Variants in CYBC1 observed in about 807,000 individuals in gnomAD.
CYBC1 encodes essential for reactive oxygen species protein.
CYBC1 carries 22 observed loss-of-function variants against 21.7 expected under a neutral mutation model. The observed-to-expected ratio is 1.02, with a 90% CI of 0.73 to 1.45. The LOEUF (loss-of-function observed/expected upper bound fraction) is 1.45. Ranked by LOEUF, CYBC1 falls within the 40% of genes most tolerant of loss-of-function variation. The pLI is 0.00. For synonymous variants in CYBC1, 112 were observed against 98.7 expected, an observed-to-expected ratio of 1.13 and a Z score of -0.80; for missense variants, 237 against 242.1, an observed-to-expected ratio of 0.98 and a Z score of 0.14.
Position 82,447,604 on chromosome 17 carries a change from G to C in CYBC1, c.103C>G (p.Leu35Val). The change falls in exon 3 of 7, where the codon CTG (leucine) becomes GTG (valine). Residue 35 changes from leucine to valine, a missense_variant. Coordinates refer to ENST00000306645, the MANE Select transcript of CYBC1 (RefSeq NM_001033046.4). ...CCTCCGCTGTAGTAGGCAGCAGCCAGGCCAATCGACAAGATTCCTATGAAG... is the reference window on the plus strand; with the variant it reads ...CCTCCGCTGTAGTAGGCAGCAGCCACGCCAATCGACAAGATTCCTATGAAG... ...SLLVGILSIG[L>V]AAAYYSGDSL... The C allele has an allele frequency of 6.3e-7, 1 of 1,599,556 alleles. No individual in the cohort carries two copies. The highest frequency in any genetic ancestry group is 2.3e-5 in the East Asian group (1 of 44,410).
At chr17:82,447,826 A>G (rs2054399818) in intron 2 of CYBC1, 2 of 622,426 alleles carry the variant, frequency 3.2e-6, no homozygotes, top group Admixed American at 2.9e-5. Flanking sequence ...TGGGCGTAGT[A>G]TCACACACTT....
At chr17:82,449,372 C>A in intron 1 of CYBC1, 80 bp from the exon 2 acceptor site, 1 of 660,844 alleles carries the variant, frequency 1.5e-6, no homozygotes, top group Non-Finnish European at 2.3e-6. Context: ...GTCTGGAGGC[C>A]AAGAGCAGGT....
intron 4 of CYBC1, 81 bp downstream of exon 4, chr17:82,446,542 T>G: frequency 7.1e-7 from 1 of 1,404,388 alleles, no homozygotes; most frequent in Non-Finnish European, 1.0e-6. Context: ...CCAGGGCCCT[T>G]CCTCCTCCTT....
In CYBC1 at chr17:82,443,549, G is replaced by A. The variant is rs1245480979; in HGVS notation, c.*455C>T. Reference sequence around the variant, plus strand: ...GCAGCATCAGCACCCACAAGGGCCCGGCCTGGCCCCGCCTCTCCACTCGCC... The same window carrying A: ...GCAGCATCAGCACCCACAAGGGCCCAGCCTGGCCCCGCCTCTCCACTCGCC... On this transcript the variant is annotated 3_prime_UTR_variant, in exon 7 of 7. Transcript: ENST00000306645. The surrounding 1 kb of genome is among the most constrained non-coding windows in gnomAD (Gnocchi z 6.7). The A allele has an allele frequency of 1.0e-5, 7 of 701,344 alleles. No individual in the cohort carries two copies. The highest frequency in any genetic ancestry group is 2.4e-4 in the Middle Eastern group (1 of 4,088). 43.4% of individuals were successfully genotyped at this position (701,344 alleles called of 1,614,324 possible). A position where few individuals can be genotyped will look rare whatever the true frequency, so the allele number is the denominator to read the frequency against.
chr17:82,445,079 C>T (rs1374454207), intron 5 of CYBC1: 1 of 156,766 alleles, frequency 6.4e-6, no homozygotes, highest in Admixed American at 6.3e-5. Context: ...CCACAGGTGA[C>T]CTGGGGCCAA....
At position 82,445,921 on chromosome 17, in the gene CYBC1, T is replaced by C. The variant is rs113102022; in HGVS notation, c.241A>G (p.Lys81Glu). ...AGCTTCTTGTAGAGGCTGAACGTCTTCAAAACAACCTTCCCTGTGCTCTTG... is the reference window on the plus strand; with the variant it reads ...AGCTTCTTGTAGAGGCTGAACGTCTCCAAAACAACCTTCCCTGTGCTCTTG... ...FDKSTGKVVL[K>E]TFSLYKKLLT... The change falls in exon 5 of 7, where the codon AAG becomes GAG. Residue 81 changes from lysine to glutamate, a missense_variant. Transcript: ENST00000306645. 68 of 1,613,834 alleles carry C rather than the reference T, an allele frequency of 4.2e-5. No homozygotes were observed. The African/African-American group carries it at 6.8e-4, about 16-fold the overall frequency.
chr17:82,447,686 G>C (rs1266204924), intron 2 of CYBC1, 65 bp from the exon 3 acceptor site: 1 of 1,450,378 alleles, frequency 6.9e-7, no homozygotes, highest in Admixed American at 2.0e-5. Flanking sequence ...TGGTGCAGCG[G>C]GACCAGGAGC....
intron 4 of CYBC1, among the ~76,000 whole-genome samples, chr17:82,446,164 A>T: frequency 6.6e-6 from 1 of 152,192 alleles, no homozygotes; most frequent in Non-Finnish European, 1.5e-5. Flanking sequence ...CTGTTGGGAA[A>T]TGGAGAGGTG....
At chr17:82,446,002 C>T (rs551479082) in intron 4 of CYBC1, 42 bp from the exon 5 acceptor site, 134 of 1,583,862 alleles carry the variant, frequency 8.5e-5, no homozygotes, top group South Asian at 1.5e-4. Flanking sequence ...CCTCCAGGAA[C>T]GGGGGCCCCG....
chr17:82,447,079 C>T (rs1389670452), intron 3 of CYBC1: 5 of 331,674 alleles, frequency 1.5e-5, no homozygotes, highest in South Asian at 9.7e-5. Flanking sequence ...TGTGGCCGGG[C>T]GCAGTGGCTC....
intron 4 of CYBC1, 109 bp downstream of exon 4, chr17:82,446,514 G>T: frequency 1.0e-6 from 1 of 996,612 alleles, no homozygotes; most frequent in Non-Finnish European, 1.6e-6. Context: ...GCTTCAGGAC[G>T]GGGAGGCGCT....
chr17:82,446,885 G>A (rs1599784502), intron 3 of CYBC1, 189 bp from the exon 4 acceptor site: 3 of 605,974 alleles, frequency 5.0e-6, no homozygotes, highest in Non-Finnish European at 8.8e-6. Flanking sequence ...ACCCAGCTCT[G>A]ACCCCCAGAG....
rs777461901 is a variant in CYBC1, at chr17:82,443,503, ACG to A, written c.*499_*500del. ...GCTGGGGATGTCCACCAGGGAGAGG[ACG>A]CTGTGTCGGGGACAACATGCAGCAT... is the stretch of plus-strand genomic sequence containing the variant. On this transcript the variant is annotated 3_prime_UTR_variant, in exon 7 of 7. Coordinates refer to ENST00000306645, the MANE Select transcript of CYBC1 (RefSeq NM_001033046.4). This position sits in a 1 kb window ranked among gnomAD's most constrained non-coding sequence, Gnocchi z 6.7. 21 of 697,396 alleles carry A rather than the reference ACG, an allele frequency of 3.0e-5. No individual in the cohort carries two copies. The South Asian group carries it at 3.2e-4, about 10-fold the overall frequency. The allele number at this position is 697,396 out of a possible 1,614,324, so 43.2% of individuals were successfully genotyped here. A position where few individuals can be genotyped will look rare whatever the true frequency, so the allele number is the denominator to read the frequency against.
At chr17:82,446,017 C>T (rs2054267819) in intron 4 of CYBC1, 57 bp from the exon 5 acceptor site, 14 of 1,429,194 alleles carry the variant, frequency 9.8e-6, no homozygotes, top group Admixed American at 8.9e-5. Context: ...GCCCCGTGGC[C>T]GCTGGGGCCT....
At chr17:82,446,359 T>C (rs925525657) in intron 4 of CYBC1, among the ~76,000 whole-genome samples, 1 of 152,224 alleles carries the variant, frequency 6.6e-6, no homozygotes, top group Non-Finnish European at 1.5e-5. Flanking sequence ...TTGTGGCAAC[T>C]CTGGGAAGAA....
intron 2 of CYBC1, chr17:82,447,855 G>A (rs2054401327): frequency 1.7e-6 from 1 of 596,550 alleles, no homozygotes; most frequent in Non-Finnish European, 3.0e-6. Context: ...AGCTACCTGG[G>A]AGGCCGAGGA....
Position 82,446,921 on chromosome 17 carries a change from G to C in CYBC1, c.128-225C>G, listed in dbSNP as rs561164088. 15 of 585,134 alleles carry C rather than the reference G, an allele frequency of 2.6e-5. No homozygotes were observed. The African/African-American group carries it at 2.8e-4, about 11-fold the overall frequency. The allele number at this position is 585,134 out of a possible 1,614,324, so 36.2% of individuals were successfully genotyped here. On this transcript the variant is annotated intron_variant, in intron 3 of 6. Transcript: ENST00000306645. ...TCCACGTGAGAGAGGCAGGTGGGGCGCACAGGGCCTCTGCCCGTCTGGGCA... is the reference window on the plus strand; with the variant it reads ...TCCACGTGAGAGAGGCAGGTGGGGCCCACAGGGCCTCTGCCCGTCTGGGCA...
chr17:82,444,178 G>GT, intron 6 of CYBC1, 54 bp from the exon 7 acceptor site: 2 of 1,580,956 alleles, frequency 1.3e-6, no homozygotes, highest in South Asian at 1.2e-5. Context: ...ATAGGGCACC[G>GT]TGAGACCCCA....
At chr17:82,448,334 CTG>C (rs891324836) in intron 2 of CYBC1, 2 of 111,752 alleles carry the variant, frequency 1.8e-5, no homozygotes, top group African/African-American at 7.1e-5. Flanking sequence ...GGTTAGTGGA[CTG>C]TGAGTCCTAC....
Sources: gnomAD v4.1 joint callset for allele counts (sites outside exome capture counted in the v4.1 genomes callset) on GRCh38, gnomAD v4.1.1 for gene constraint, Gnocchi (gnomAD v3.1) non-coding constraint, MANE v1.5 for transcripts, NCBI Gene and HGNC (gene_info 2026-07-23, HGNC 2026-07-21) for gene names.